Variants in PRH1 observed in about 807,000 individuals in gnomAD.
PRH1 encodes the protein proline rich protein HaeIII subfamily 1, also known as salivary acidic proline-rich phosphoprotein 1/2.
In PRH1, 7 loss-of-function variants were observed where a neutral mutation model predicts 7.9. That is an observed-to-expected ratio of 0.89 (90% CI 0.50 to 1.67). PRH1 has a LOEUF of 1.67. Among genes scored for constraint, PRH1 ranks in the 40% most tolerant of loss-of-function variants. PRH1 has a pLI of 0.00. For missense variants in PRH1, 109 were observed against 223.6 expected (o/e 0.49, Z 3.27); for synonymous variants, 45 against 80.8 (o/e 0.56, Z 2.38).
intron 1 of PRH1, among the ~76,000 whole-genome samples, chr12:11,112,200 T>C (rs1405308581): frequency 6.6e-6 from 1 of 152,086 alleles, no homozygotes; most frequent in Non-Finnish European, 1.5e-5. Flanking sequence ...ACAGACATAT[T>C]CACAACCAAA....
intron 2 of PRH1, among the ~76,000 whole-genome samples, chr12:10,918,214 T>C (rs905667632): frequency 2.6e-5 from 4 of 151,904 alleles, no homozygotes; most frequent in African/African-American, 9.7e-5. Context: ...TTAGCGGGCA[T>C]GTTGGGGCAG....
intron 1 of PRH1, among the ~76,000 whole-genome samples, chr12:11,040,985 C>T (rs924748872): frequency 1.3e-5 from 2 of 151,848 alleles, no homozygotes; most frequent in Non-Finnish European, 2.9e-5. Context: ...GAAACTATAT[C>T]ATATCACCAG....
intron 1 of PRH1, among the ~76,000 whole-genome samples, chr12:11,027,074 G>A (rs151181727): frequency 2.0e-3 from 312 of 152,326 alleles, no homozygotes; most frequent in Non-Finnish European, 3.2e-3. Flanking sequence ...AGACCAGCCT[G>A]GGTAACACTG....
intron 2 of PRH1, among the ~76,000 whole-genome samples, chr12:10,904,931 A>T (rs1421382047): frequency 6.6e-6 from 1 of 152,030 alleles, no homozygotes; most frequent in East Asian, 1.9e-4. Flanking sequence ...AAGGCTCAAC[A>T]TCACTAATCA....
chr12:11,116,589 C>T (rs962561733), downstream of PRH1, among the ~76,000 whole-genome samples: 3 of 151,906 alleles, frequency 2.0e-5, no homozygotes, highest in African/African-American at 7.2e-5. Context: ...TTCTTGTTAC[C>T]CTGATACCAA....
At chr12:11,105,504 A>C (rs1300342894) in intron 1 of PRH1, among the ~76,000 whole-genome samples, 17 of 152,220 alleles carry the variant, frequency 1.1e-4, no homozygotes, top group Admixed American at 1.1e-3. Flanking sequence ...TATGGAAAAC[A>C]TGATGATTTC....
chr12:11,165,772 G>C (rs1947556573), intron 1 of PRH1, among the ~76,000 whole-genome samples: 1 of 152,144 alleles, frequency 6.6e-6, no homozygotes, highest in Non-Finnish European at 1.5e-5. Context: ...GATTCAAATG[G>C]CTCCAGTGGT....
chr12:11,041,440 ATATAT>A (rs1942707013), intron 1 of PRH1, among the ~76,000 whole-genome samples: 2 of 152,186 alleles, frequency 1.3e-5, no homozygotes, highest in Admixed American at 1.3e-4. Flanking sequence ...GCAATTGTAA[ATATAT>A]GTGCACTCAA....
intron 1 of PRH1, chr12:10,986,852 A>G: frequency 6.5e-7 from 1 of 1,531,892 alleles, no homozygotes; most frequent in Non-Finnish European, 8.7e-7. Context: ...TGTATAGAAA[A>G]GTTATCATAT....
At chr12:10,938,172 T>C in intron 2 of PRH1, 1 of 958,106 alleles carries the variant, frequency 1.0e-6, no homozygotes, top group South Asian at 1.8e-5. Context: ...CACAAAGTTA[T>C]ACACAATGAA....
upstream of PRH1, among the ~76,000 whole-genome samples, chr12:10,888,338 G>A (rs1210921870): frequency 1.3e-5 from 2 of 152,174 alleles, no homozygotes; most frequent in African/African-American, 2.4e-5. Context: ...GACTTTGGGA[G>A]ACTGTTAATC....
At chr12:11,125,910 T>C (rs1946109147) in intron 1 of PRH1, among the ~76,000 whole-genome samples, 1 of 152,294 alleles carries the variant, frequency 6.6e-6, no homozygotes. Context: ...GTTTAAAATT[T>C]TATCTTGGAT....
intron 1 of PRH1, chr12:10,998,002 T>A: frequency 1.6e-6 from 1 of 627,710 alleles, no homozygotes; most frequent in Non-Finnish European, 2.6e-6. Context: ...TTTATACTTT[T>A]AAATTCTGTG....
intron 1 of PRH1, chr12:11,022,483 A>C: frequency 6.2e-7 from 1 of 1,613,694 alleles, no homozygotes; most frequent in Non-Finnish European, 8.5e-7. Context: ...AATGACATTT[A>C]CTAGGGCTAT....
intron 1 of PRH1, chr12:10,986,439 AC>A (rs753547145): frequency 6.2e-7 from 1 of 1,614,066 alleles, no homozygotes; most frequent in Non-Finnish European, 8.5e-7. Flanking sequence ...AAGATGACAA[AC>A]CAAAAATATC....
intron 1 of PRH1, among the ~76,000 whole-genome samples, chr12:11,163,564 C>A (rs902032394): frequency 3.3e-5 from 5 of 152,090 alleles, no homozygotes; most frequent in African/African-American, 1.2e-4. Flanking sequence ...CTGATGCACA[C>A]AATTAATTAT....
At chr12:10,961,113 C>CA (rs1938216484) in intron 2 of PRH1, among the ~76,000 whole-genome samples, 1 of 152,204 alleles carries the variant, frequency 6.6e-6, no homozygotes, top group African/African-American at 2.4e-5. Flanking sequence ...AGAATTCAAA[C>CA]ATGCTAGAGG....
At chr12:11,126,357 C>T (rs1441905133) in intron 1 of PRH1, among the ~76,000 whole-genome samples, 1 of 137,234 alleles carries the variant, frequency 7.3e-6, no homozygotes, top group East Asian at 2.1e-4. Flanking sequence ...TGTAATTATA[C>T]GGAATCATGT....
intron 1 of PRH1, among the ~76,000 whole-genome samples, chr12:11,088,309 C>T (rs1944777381): frequency 8.9e-6 from 1 of 112,360 alleles, no homozygotes. Context: ...CCACTGAACT[C>T]CAGCCTCAGG....
Sources: allele counts gnomAD v4.1 joint callset (sites outside exome capture counted in the v4.1 genomes callset), GRCh38; gene constraint gnomAD v4.1.1; transcripts MANE v1.5; gene names NCBI Gene and HGNC (gene_info 2026-07-23, HGNC 2026-07-21).